EDNRA: variants seen among roughly 807,000 people sequenced by gnomAD.
EDNRA encodes the protein endothelin-1 receptor.
A neutral mutation model predicts 41.4 loss-of-function variants in EDNRA; 11 were observed. That is an observed-to-expected ratio of 0.27 (90% CI 0.17 to 0.44). The LOEUF is 0.44. Among genes scored for constraint, EDNRA ranks in the 20% least tolerant of loss-of-function variants. EDNRA has a pLI of 1.00. For missense variants in EDNRA, 294 were observed against 531.0 expected (o/e 0.55, Z 4.39); for synonymous variants, 172 against 183.0 (o/e 0.94, Z 0.49).
In EDNRA at chr4:147,542,151, C is replaced by T. The variant is rs375422118; in HGVS notation, c.1144-327C>T. Among the ~76,000 whole-genome samples, 399 of 152,292 alleles carry T rather than the reference C, an allele frequency of 2.6e-3. 3 individuals are homozygous for T. Among genetic ancestry groups the T allele is most frequent in the South Asian group, 0.018 (86 of 4,812 alleles). On this transcript the variant is annotated intron_variant, in intron 7 of 7. Coordinates refer to ENST00000651419, the MANE Select transcript of EDNRA (RefSeq NM_001957.4). ...ACACAGGTGGTGCACACTGAAGAAA[C>T]GCTAGGACCCCCCCACCAGCCCAGC...
intron 2 of EDNRA, among the ~76,000 whole-genome samples, chr4:147,516,283 G>A (rs2126442322): frequency 6.6e-6 from 1 of 152,334 alleles, no homozygotes; most frequent in Non-Finnish European, 1.5e-5. Flanking sequence ...TCCAAGCAAA[G>A]AGTAAATGGC....
intron 2 of EDNRA, among the ~76,000 whole-genome samples, chr4:147,500,211 C>T (rs1284845213): frequency 6.6e-6 from 1 of 152,146 alleles, no homozygotes; most frequent in Non-Finnish European, 1.5e-5. Flanking sequence ...AAGATCATAA[C>T]TAAAAACAGA....
chr4:147,485,161 G>A (rs1476020448), intron 1 of EDNRA, among the ~76,000 whole-genome samples: 2 of 152,198 alleles, frequency 1.3e-5, no homozygotes, highest in Admixed American at 1.3e-4. Flanking sequence ...CAGCCTGAAT[G>A]TAGAGAAAGA....
chr4:147,522,482 G>A (rs1469968038), intron 3 of EDNRA, among the ~76,000 whole-genome samples: 3 of 151,868 alleles, frequency 2.0e-5, no homozygotes, highest in Non-Finnish European at 4.4e-5. Flanking sequence ...AAGTTGCAGT[G>A]AGCCGAGATT....
Position 147,536,169 on chromosome 4 carries a change from A to G in EDNRA, c.900+140A>G, listed in dbSNP as rs1055628444. ...ATCCTGTAACTGTTTTCTTTATAGT[A>G]ATAGTGTTAGAAATTTCTTTTGTAA... is the stretch of plus-strand genomic sequence containing the variant. On this transcript the variant is annotated intron_variant, in intron 5 of 7. Coordinates refer to ENST00000651419, the MANE Select transcript of EDNRA (RefSeq NM_001957.4). 2.1e-5 allele frequency: 23 copies of G among 1,083,316 alleles called. No individual in the cohort carries two copies. In the East Asian group the frequency reaches 5.9e-4, roughly 28 times the overall value. The allele number at this position is 1,083,316 out of a possible 1,614,324, so 67.1% of individuals were successfully genotyped here.
chr4:147,523,497 GT>G (rs558896838), intron 3 of EDNRA, among the ~76,000 whole-genome samples: 239 of 98,504 alleles, frequency 2.4e-3, no homozygotes, highest in Middle Eastern at 8.6e-3. Flanking sequence ...TGTTTTTTTT[GT>G]TTTTTTTTTT....
At position 147,508,279 on chromosome 4, in the gene EDNRA, C is replaced by T. The variant is rs373313754; in HGVS notation, c.421-11572C>T. On this transcript the variant is annotated intron_variant, in intron 2 of 7. Coordinates refer to ENST00000651419, the MANE Select transcript of EDNRA (RefSeq NM_001957.4). Reference sequence around the variant, plus strand: ...TCAGCTTCCAGAGTAGCTGGGATTACGGGCATGCACCACCACGCCTGGCTA... The same window carrying T: ...TCAGCTTCCAGAGTAGCTGGGATTATGGGCATGCACCACCACGCCTGGCTA... Among the ~76,000 whole-genome samples, 115 of 152,226 alleles carry T rather than the reference C, an allele frequency of 7.6e-4. 2 individuals are homozygous for T. The South Asian group carries it at 0.021, about 28-fold the overall frequency.
chr4:147,521,365 C>A (rs540340773), intron 3 of EDNRA, among the ~76,000 whole-genome samples: 56 of 152,188 alleles, frequency 3.7e-4, no homozygotes, highest in African/African-American at 1.3e-3. Context: ...ATTAATAATA[C>A]CCTTCAGTGA....
chr4:147,532,325 C>CAAAAAAA (rs59851236), intron 3 of EDNRA, among the ~76,000 whole-genome samples, 181 bp from the exon 4 acceptor site: 6 of 60,388 alleles, frequency 9.9e-5, no homozygotes, highest in African/African-American at 3.8e-4. Context: ...GATTTTGCCT[C>CAAAAAAA]AAAAAAAAAA....
At chr4:147,506,858 G>A in intron 2 of EDNRA, 1 of 159,872 alleles carries the variant, frequency 6.3e-6, no homozygotes, top group Admixed American at 6.5e-5. Flanking sequence ...GTTAATGGGG[G>A]CTAAGTGGCA....
At chr4:147,520,529 G>T (rs773956536) in intron 3 of EDNRA, 11 of 509,340 alleles carry the variant, frequency 2.2e-5, no homozygotes, top group Non-Finnish European at 3.9e-5. Context: ...GAATCCGCAC[G>T]CATGATTGTT....
intron 2 of EDNRA, among the ~76,000 whole-genome samples, chr4:147,510,595 T>C (rs1422758172): frequency 6.6e-6 from 1 of 152,220 alleles, no homozygotes; most frequent in Non-Finnish European, 1.5e-5. Context: ...CTACATTTTA[T>C]ATGTAATTCA....
chr4:147,515,019 G>A (rs76492691), intron 2 of EDNRA, among the ~76,000 whole-genome samples: 3,128 of 152,210 alleles, frequency 0.021, 122 homozygotes, highest in African/African-American at 0.071. Flanking sequence ...GTGTTTCAAT[G>A]AGCCCTCCAG....
chr4:147,499,593 A>G (rs912901968), intron 2 of EDNRA, among the ~76,000 whole-genome samples: 1 of 152,174 alleles, frequency 6.6e-6, no homozygotes, highest in Non-Finnish European at 1.5e-5. Context: ...AAATTAAACA[A>G]TTTTTAAACT....
chr4:147,537,336 TA>T (rs1730950587), intron 5 of EDNRA, among the ~76,000 whole-genome samples: 1 of 152,356 alleles, frequency 6.6e-6, no homozygotes, highest in East Asian at 1.9e-4. Context: ...CATTGACATT[TA>T]GCAAGAAGAT....
At chr4:147,505,327 A>ATTTTTTTTTTTTTTTTTTTTTTTT (rs869077171) in intron 2 of EDNRA, among the ~76,000 whole-genome samples, 3 of 79,696 alleles carry the variant, frequency 3.8e-5, no homozygotes, top group African/African-American at 1.1e-4. Context: ...TTCTTTTTTC[A>ATTTTTTTTTTTTTTTTTTTTTTTT]TTTTTTTTTT....
chr4:147,489,323 C>A (rs1483052205), intron 2 of EDNRA: 4 of 152,024 alleles, frequency 2.6e-5, no homozygotes, highest in Non-Finnish European at 5.9e-5. Flanking sequence ...TGCTTTTATG[C>A]TCAGTTCTAA....
At chr4:147,490,059 G>C (rs955873408) in intron 2 of EDNRA, 1 of 151,904 alleles carries the variant, frequency 6.6e-6, no homozygotes, top group Non-Finnish European at 1.5e-5. Flanking sequence ...TTTGAAAAAT[G>C]AGTTAGGCCT....
chr4:147,523,491 T>TTTGC (rs375786067), intron 3 of EDNRA, among the ~76,000 whole-genome samples: 1 of 135,598 alleles, frequency 7.4e-6, no homozygotes, highest in African/African-American at 3.4e-5. Context: ...TTTTTTTGTT[T>TTTGC]TTTTTGTTTT....
Sources: allele counts gnomAD v4.1 joint callset (sites outside exome capture counted in the v4.1 genomes callset), GRCh38; gene constraint gnomAD v4.1.1; transcripts MANE v1.5; gene names NCBI Gene and HGNC (gene_info 2026-07-23, HGNC 2026-07-21).